The following CHRM3 variants were observed in gnomAD, a reference collection of about 807,000 sequenced individuals.
CHRM3 encodes the protein cholinergic receptor muscarinic 3.
CHRM3 carries 11 observed loss-of-function variants against 41.8 expected under a neutral mutation model. The observed-to-expected ratio is 0.26, with a 90% CI of 0.17 to 0.44. The LOEUF is 0.44. CHRM3 is among the 20% of genes least tolerant of loss of function. The pLI is 1.00. For missense variants in CHRM3, 571 were observed against 745.4 expected, an observed-to-expected ratio of 0.77 and a Z score of 2.72; for synonymous variants, 297 against 301.4, an observed-to-expected ratio of 0.99 and a Z score of 0.15.
chr1:239,511,115 C>T (rs1469762361), intron 2 of CHRM3, among the ~76,000 whole-genome samples: 2 of 152,136 alleles, frequency 1.3e-5, no homozygotes, highest in East Asian at 3.9e-4. Context: ...CTCATGTGTT[C>T]TTTTGTTCTG....
intron 5 of CHRM3, among the ~76,000 whole-genome samples, chr1:239,812,318 G>A (rs1413273023): frequency 6.6e-6 from 1 of 152,208 alleles, no homozygotes; most frequent in Non-Finnish European, 1.5e-5. Context: ...GGGATTACAG[G>A]CATGAATCAC....
chr1:239,602,089 C>CGTGTGTGTGT (rs1553337591), intron 3 of CHRM3, among the ~76,000 whole-genome samples: 3 of 13,076 alleles, frequency 2.3e-4, no homozygotes, highest in Non-Finnish European at 2.7e-4. Context: ...TACATATATA[C>CGTGTGTGTGT]ATGTGTGTGT....
At chr1:239,461,971 C>T (rs1665394282) in intron 1 of CHRM3, among the ~76,000 whole-genome samples, 1 of 152,088 alleles carries the variant, frequency 6.6e-6, no homozygotes, top group Non-Finnish European at 1.5e-5. Context: ...GTCCAATGGC[C>T]CTGTCCTCTG....
At chr1:239,657,945 T>C (rs1672860227) in intron 4 of CHRM3, among the ~76,000 whole-genome samples, 2 of 152,282 alleles carry the variant, frequency 1.3e-5, no homozygotes, top group African/African-American at 4.8e-5. Flanking sequence ...GACAGCTACA[T>C]TGTTGTAGGA....
intron 3 of CHRM3, among the ~76,000 whole-genome samples, chr1:239,547,856 A>T (rs1322059124): frequency 6.6e-6 from 1 of 152,128 alleles, no homozygotes; most frequent in Non-Finnish European, 1.5e-5. Flanking sequence ...ATGCAAACAT[A>T]GCTTGAGTAT....
chr1:239,691,965 A>C (rs1197116945), intron 5 of CHRM3, among the ~76,000 whole-genome samples: 2 of 152,202 alleles, frequency 1.3e-5, no homozygotes, highest in African/African-American at 2.4e-5. Context: ...AAGAGACCCC[A>C]GGGGATGATC....
At chr1:239,417,817 G>A (rs1160269216) in intron 1 of CHRM3, among the ~76,000 whole-genome samples, 4 of 151,932 alleles carry the variant, frequency 2.6e-5, no homozygotes, top group East Asian at 1.9e-4. Context: ...TGCAAGCAAC[G>A]AAAGAAAAAA....
chr1:239,715,280 A>G (rs1229244870), intron 5 of CHRM3, among the ~76,000 whole-genome samples: 1 of 152,156 alleles, frequency 6.6e-6, no homozygotes, highest in African/African-American at 2.4e-5. Flanking sequence ...ACATAAAAGG[A>G]CAGAGGGCAC....
At chr1:239,664,991 G>A (rs1673626660) in intron 4 of CHRM3, among the ~76,000 whole-genome samples, 1 of 151,840 alleles carries the variant, frequency 6.6e-6, no homozygotes, top group African/African-American at 2.4e-5. Context: ...CTGCACCCCA[G>A]GCCCCTGCAG....
intron 5 of CHRM3, among the ~76,000 whole-genome samples, chr1:239,789,132 C>A (rs575929867): frequency 1.3e-5 from 2 of 152,066 alleles, no homozygotes; most frequent in Admixed American, 1.3e-4. Flanking sequence ...TTCGTTGCAC[C>A]CATTCAGAAG....
At chr1:239,760,792 A>G (rs964978029) in intron 5 of CHRM3, among the ~76,000 whole-genome samples, 2 of 151,984 alleles carry the variant, frequency 1.3e-5, no homozygotes, top group Non-Finnish European at 2.9e-5. Flanking sequence ...CGCTTTGAAG[A>G]TTGTATTTTT....
At chr1:239,723,283 A>C (rs1424024383) in intron 5 of CHRM3, among the ~76,000 whole-genome samples, 3 of 151,988 alleles carry the variant, frequency 2.0e-5, no homozygotes. Context: ...TAGGTATTCT[A>C]AGGATAAAAT....
intron 5 of CHRM3, among the ~76,000 whole-genome samples, chr1:239,787,861 A>G (rs1669032926): frequency 6.6e-6 from 1 of 152,196 alleles, no homozygotes; most frequent in Non-Finnish European, 1.5e-5. Flanking sequence ...ATGTAAAAAG[A>G]TTACATATAT....
intron 5 of CHRM3, among the ~76,000 whole-genome samples, chr1:239,678,588 A>G (rs1658234998): frequency 6.6e-6 from 1 of 152,188 alleles, no homozygotes; most frequent in Non-Finnish European, 1.5e-5. Flanking sequence ...CCAGAAATCT[A>G]TGGAAATCAA....
intron 2 of CHRM3, among the ~76,000 whole-genome samples, chr1:239,542,541 G>T (rs1449778950): frequency 6.6e-6 from 1 of 152,186 alleles, no homozygotes; most frequent in Non-Finnish European, 1.5e-5. Context: ...CAGTATTCTA[G>T]ACATTTTGTT....
At chr1:239,800,844 TA>T (rs1172103854) in intron 5 of CHRM3, among the ~76,000 whole-genome samples, 3 of 152,194 alleles carry the variant, frequency 2.0e-5, no homozygotes, top group African/African-American at 7.2e-5. Flanking sequence ...TACATTTGAT[TA>T]AAAAATGTGA....
chr1:239,773,010 A>G (rs942567374), intron 5 of CHRM3, among the ~76,000 whole-genome samples: 1 of 152,214 alleles, frequency 6.6e-6, no homozygotes, highest in Non-Finnish European at 1.5e-5. Context: ...CACTCATTCA[A>G]TCTATACAGA....
intron 1 of CHRM3, among the ~76,000 whole-genome samples, chr1:239,452,350 T>A (rs1664614904): frequency 3.3e-5 from 5 of 152,204 alleles, no homozygotes; most frequent in Admixed American, 3.3e-4. Flanking sequence ...CAGCAATAAG[T>A]GGCTGGTGAC....
chr1:239,674,990 ACTT>A (rs1287297034), intron 4 of CHRM3, among the ~76,000 whole-genome samples: 3 of 151,932 alleles, frequency 2.0e-5, no homozygotes, highest in South Asian at 2.1e-4. Context: ...CCCACTCCTG[ACTT>A]CTTCTTGCAT....
Sources: allele counts gnomAD v4.1 joint callset (sites outside exome capture counted in the v4.1 genomes callset), GRCh38; gene constraint gnomAD v4.1.1; transcripts MANE v1.5; gene names NCBI Gene and HGNC (gene_info 2026-07-23, HGNC 2026-07-21).